The following AKR1D1 variants were observed in gnomAD, a reference collection of about 807,000 sequenced individuals.
The protein encoded by AKR1D1 is delta(4)-3-ketosteroid 5-beta-reductase.
Under a neutral mutation model 42.6 loss-of-function variants are expected in AKR1D1, and 32 were observed. That is an observed-to-expected ratio of 0.75 (90% CI 0.57 to 1.01). AKR1D1 has a LOEUF of 1.01. Ranked by LOEUF, AKR1D1 falls within the 50% of genes least tolerant of loss-of-function variation. The pLI is 0.00. For synonymous variants in AKR1D1, 123 were observed against 135.5 expected, an observed-to-expected ratio of 0.91 and a Z score of 0.64; for missense variants, 364 against 402.2, an observed-to-expected ratio of 0.91 and a Z score of 0.81.
chr7:138,112,369 T>A (rs1794552598), intron 7 of AKR1D1, among the ~76,000 whole-genome samples: 1 of 152,116 alleles, frequency 6.6e-6, no homozygotes, highest in Non-Finnish European at 1.5e-5. Context: ...CTGAAAAGAG[T>A]ACTTGGAAAG....
intron 4 of AKR1D1, among the ~76,000 whole-genome samples, chr7:138,103,798 A>G (rs117244340): frequency 0.021 from 3,180 of 152,292 alleles, 56 homozygotes; most frequent in East Asian, 0.069. Context: ...AAGCACATAT[A>G]TATCAAATAA....
intron 8 of AKR1D1, among the ~76,000 whole-genome samples, chr7:138,114,408 C>T (rs1284546069): frequency 2.6e-5 from 4 of 152,102 alleles, no homozygotes; most frequent in Non-Finnish European, 5.9e-5. Context: ...GTGGCTCACG[C>T]CAATACTTTG....
At chr7:138,114,314 A>C (rs1794591360) in intron 8 of AKR1D1, among the ~76,000 whole-genome samples, 1 of 152,186 alleles carries the variant, frequency 6.6e-6, no homozygotes, top group Non-Finnish European at 1.5e-5. Flanking sequence ...CAAAATGTCA[A>C]GTTCAGCTAA....
chr7:138,081,116 C>G (rs754887042), intron 1 of AKR1D1, among the ~76,000 whole-genome samples: 5 of 152,170 alleles, frequency 3.3e-5, no homozygotes, highest in Non-Finnish European at 5.9e-5. Flanking sequence ...CATAGTATAT[C>G]TACTATAGTG....
chr7:138,086,792 C>A (rs1258311545), intron 1 of AKR1D1, among the ~76,000 whole-genome samples: 1 of 152,202 alleles, frequency 6.6e-6, no homozygotes, highest in Non-Finnish European at 1.5e-5. Context: ...AAGATCAGAA[C>A]AATCACCCTT....
chr7:138,100,213 C>A (rs886407597), intron 4 of AKR1D1, among the ~76,000 whole-genome samples: 3 of 139,012 alleles, frequency 2.2e-5, no homozygotes, highest in Non-Finnish European at 4.7e-5. Context: ...CAAGACAAAG[C>A]AGAAAAAAAA....
intron 4 of AKR1D1, among the ~76,000 whole-genome samples, chr7:138,102,926 T>C (rs10276951): frequency 0.017 from 2,531 of 152,310 alleles, 73 homozygotes; most frequent in African/African-American, 0.057. Flanking sequence ...GGGGAGCTTT[T>C]TTCTTCCTGG....
chr7:138,087,832 C>T (rs1186257119), intron 1 of AKR1D1, among the ~76,000 whole-genome samples: 8 of 151,590 alleles, frequency 5.3e-5, no homozygotes, highest in African/African-American at 1.9e-4. Context: ...TTCTTTCACT[C>T]AGTATAATTA....
At chr7:138,098,636 G>GA (rs1321688320) in intron 4 of AKR1D1, among the ~76,000 whole-genome samples, 4 of 152,054 alleles carry the variant, frequency 2.6e-5, no homozygotes, top group African/African-American at 9.7e-5. Flanking sequence ...ACAAAAACCT[G>GA]AAAAGCAATT....
chr7:138,107,975 T>C (rs1471621069), intron 7 of AKR1D1, among the ~76,000 whole-genome samples: 1 of 152,084 alleles, frequency 6.6e-6, no homozygotes, highest in Non-Finnish European at 1.5e-5. Context: ...TGAGCCACTG[T>C]ACCCAGCCTC....
At chr7:138,086,469 T>G (rs781703501) in intron 1 of AKR1D1, among the ~76,000 whole-genome samples, 4 of 152,244 alleles carry the variant, frequency 2.6e-5, no homozygotes, top group Non-Finnish European at 5.9e-5. Flanking sequence ...CCCAGCTATT[T>G]GATATTTGTG....
At chr7:138,081,833 C>T (rs982879432) in intron 1 of AKR1D1, among the ~76,000 whole-genome samples, 8 of 152,144 alleles carry the variant, frequency 5.3e-5, no homozygotes, top group Admixed American at 2.6e-4. Flanking sequence ...TCACCTGCCT[C>T]GGCCTCCCAA....
intron 1 of AKR1D1, among the ~76,000 whole-genome samples, chr7:138,077,635 G>C (rs1802968992): frequency 6.6e-6 from 1 of 152,162 alleles, no homozygotes; most frequent in Non-Finnish European, 1.5e-5. Context: ...TCTGTTCCTT[G>C]TTGCAGTTCA....
At chr7:138,098,954 T>C (rs1485002378) in intron 4 of AKR1D1, among the ~76,000 whole-genome samples, 1 of 152,176 alleles carries the variant, frequency 6.6e-6, no homozygotes, top group Non-Finnish European at 1.5e-5. Flanking sequence ...CTTGAGATTC[T>C]GAACTTGTGA....
At chr7:138,098,311 A>T (rs1430953809) in intron 4 of AKR1D1, 3 of 195,388 alleles carry the variant, frequency 1.5e-5, no homozygotes, top group Admixed American at 1.1e-4. Flanking sequence ...AATGATACAT[A>T]AAAAAACTGA....
intron 4 of AKR1D1, among the ~76,000 whole-genome samples, chr7:138,103,671 G>T (rs1030681220): frequency 6.6e-6 from 1 of 151,932 alleles, no homozygotes; most frequent in Non-Finnish European, 1.5e-5. Flanking sequence ...GAAAAAGTTG[G>T]TATTACTATA....
In AKR1D1 at chr7:138,116,765, C is replaced by T. The variant is rs1359131787; in HGVS notation, c.*103C>T. On this transcript the variant is annotated 3_prime_UTR_variant, in exon 9 of 9. Coordinates refer to ENST00000242375, the MANE Select transcript of AKR1D1 (RefSeq NM_005989.4). ...AATGAAGAGAGAGGGTTTTACCATC[C>T]TGAGAAGAAATAATGATGGAAACAT... The T allele has an allele frequency of 1.6e-5, 17 of 1,056,544 alleles. No homozygotes were observed. The Admixed American group carries it at 2.8e-4, about 18-fold the overall frequency. 65.4% of individuals were successfully genotyped at this position (1,056,544 alleles called of 1,614,324 possible).
At chr7:138,079,162 C>G (rs1458532666) in intron 1 of AKR1D1, among the ~76,000 whole-genome samples, 1 of 152,074 alleles carries the variant, frequency 6.6e-6, no homozygotes, top group Non-Finnish European at 1.5e-5. Flanking sequence ...CTCCAATGCC[C>G]ATAGAATTCC....
intron 7 of AKR1D1, among the ~76,000 whole-genome samples, chr7:138,109,045 A>C (rs1407886703): frequency 6.6e-6 from 1 of 152,226 alleles, no homozygotes; most frequent in Non-Finnish European, 1.5e-5. Flanking sequence ...TGTTTATTAT[A>C]GAATTCTTTG....
Sources: allele counts gnomAD v4.1 joint callset (sites outside exome capture counted in the v4.1 genomes callset), GRCh38; gene constraint gnomAD v4.1.1; transcripts MANE v1.5; gene names NCBI Gene and HGNC (gene_info 2026-07-23, HGNC 2026-07-21).